EYS: variants seen among roughly 807,000 people sequenced by gnomAD.
EYS encodes EGF-like photoreceptor maintenance factor, also known as protein eyes shut homolog.
Under a neutral mutation model 282.1 loss-of-function variants are expected in EYS, and 250 were observed. That is an observed-to-expected ratio of 0.89 (90% CI 0.80 to 0.98). The LOEUF is 0.98. Among genes scored for constraint, EYS ranks in the 50% least tolerant of loss-of-function variants. The pLI is 0.00. For synonymous variants in EYS, 1,355 were observed against 1,282.9 expected, an observed-to-expected ratio of 1.06 and a Z score of -1.20; for missense variants, 4,016 against 3,709.0, an observed-to-expected ratio of 1.08 and a Z score of -2.15.
At chr6:64,820,126 T>C (rs917322725) in intron 21 of EYS, among the ~76,000 whole-genome samples, 2 of 152,030 alleles carry the variant, frequency 1.3e-5, no homozygotes, top group Non-Finnish European at 2.9e-5. Context: ...TTGGAATACT[T>C]TATAGCTATT....
intron 26 of EYS, among the ~76,000 whole-genome samples, chr6:64,526,226 C>T (rs1333698837): frequency 6.6e-6 from 1 of 151,630 alleles, no homozygotes; most frequent in African/African-American, 2.4e-5. Context: ...TATGAAAGGT[C>T]AACAGGAGGG....
At chr6:64,069,845 T>G (rs1300852867) in intron 32 of EYS, among the ~76,000 whole-genome samples, 1 of 152,136 alleles carries the variant, frequency 6.6e-6, no homozygotes, top group Non-Finnish European at 1.5e-5. Context: ...ATGAAAATTT[T>G]CAAATGTTAA....
At chr6:64,155,751 T>C (rs1353669906) in intron 31 of EYS, among the ~76,000 whole-genome samples, 1 of 152,198 alleles carries the variant, frequency 6.6e-6, no homozygotes, top group Non-Finnish European at 1.5e-5. Context: ...GTGTATATTT[T>C]ATTCATCACA....
intron 22 of EYS, among the ~76,000 whole-genome samples, chr6:64,689,952 G>A (rs1363860498): frequency 6.6e-6 from 1 of 152,074 alleles, no homozygotes; most frequent in Non-Finnish European, 1.5e-5. Context: ...AAAAGCAATG[G>A]CAACAGAAGC....
chr6:63,798,299 A>T (rs1336404313), intron 37 of EYS, among the ~76,000 whole-genome samples: 1 of 152,206 alleles, frequency 6.6e-6, no homozygotes, highest in African/African-American at 2.4e-5. Flanking sequence ...TTCTTTTTAA[A>T]CTATTTTAAA....
At chr6:64,827,203 T>C (rs1306383791) in intron 19 of EYS, among the ~76,000 whole-genome samples, 2 of 151,906 alleles carry the variant, frequency 1.3e-5, no homozygotes, top group Non-Finnish European at 2.9e-5. Context: ...ATATCCATGT[T>C]AGCTCCTGAT....
chr6:65,092,285 AG>A (rs1241345055), intron 12 of EYS, among the ~76,000 whole-genome samples: 2 of 152,156 alleles, frequency 1.3e-5, no homozygotes, highest in Non-Finnish European at 2.9e-5. Context: ...AAAACAGAAA[AG>A]TTGTAGAAGT....
intron 33 of EYS, among the ~76,000 whole-genome samples, chr6:64,045,223 CT>C (rs901739918): frequency 4.0e-5 from 6 of 150,210 alleles, no homozygotes; most frequent in Non-Finnish European, 8.9e-5. Flanking sequence ...CTAATTTTTA[CT>C]TTTTTTTTAA....
At chr6:65,046,482 C>A (rs1773104779) in intron 13 of EYS, among the ~76,000 whole-genome samples, 1 of 151,698 alleles carries the variant, frequency 6.6e-6, no homozygotes, top group African/African-American at 2.4e-5. Flanking sequence ...GAACTTTTTT[C>A]TTCCAACTTG....
intron 22 of EYS, among the ~76,000 whole-genome samples, chr6:64,748,534 TA>T (rs1019002599): frequency 6.6e-6 from 1 of 152,204 alleles, no homozygotes; most frequent in African/African-American, 2.4e-5. Flanking sequence ...TCCAAACACT[TA>T]ACCTAAAGAA....
chr6:63,794,229 A>G (rs1385094888), intron 37 of EYS, among the ~76,000 whole-genome samples: 1 of 152,232 alleles, frequency 6.6e-6, no homozygotes, highest in African/African-American at 2.4e-5. Context: ...CAATAAATGC[A>G]TATTTCTTTC....
At chr6:65,143,365 T>G (rs1764397725) in intron 12 of EYS, among the ~76,000 whole-genome samples, 1 of 151,776 alleles carries the variant, frequency 6.6e-6, no homozygotes, top group South Asian at 2.1e-4. Flanking sequence ...AAAACAGTGG[T>G]CATCAATGGG....
At chr6:64,335,787 A>T (rs1460766876) in intron 29 of EYS, among the ~76,000 whole-genome samples, 1 of 151,974 alleles carries the variant, frequency 6.6e-6, no homozygotes, top group African/African-American at 2.4e-5. Context: ...CTCAGCAGAA[A>T]CTCTACAACC....
In EYS at chr6:63,959,505, T is replaced by TTA. The variant is rs759308807; in HGVS notation, c.7055+24876_7055+24877dup. ...AATACCATTTGACCCAGCAATCCCATTATTGGGTACATACCCAAAGGAATA... is the reference window on the plus strand; with the variant it reads ...AATACCATTTGACCCAGCAATCCCATTATATTGGGTACATACCCAAAGGAATA... On this transcript the variant is annotated intron_variant, in intron 35 of 42. Coordinates refer to ENST00000503581, the MANE Select transcript of EYS (RefSeq NM_001142800.2). 7.2e-5 allele frequency among the ~76,000 whole-genome samples: 11 copies of TTA among 152,294 alleles called. No homozygotes were observed. In the East Asian group the frequency reaches 2.1e-3, roughly 29 times the overall value.
At chr6:64,566,162 C>T (rs760593808) in intron 26 of EYS, among the ~76,000 whole-genome samples, 34 of 152,068 alleles carry the variant, frequency 2.2e-4, no homozygotes, top group Non-Finnish European at 4.4e-4. Flanking sequence ...AAGACTTATG[C>T]ACAATTATTC....
intron 31 of EYS, among the ~76,000 whole-genome samples, chr6:64,188,496 A>T (rs1363745741): frequency 6.6e-6 from 1 of 152,142 alleles, no homozygotes; most frequent in African/African-American, 2.4e-5. Flanking sequence ...TGCATGGGAT[A>T]TATTATGCTA....
intron 12 of EYS, among the ~76,000 whole-genome samples, chr6:65,212,468 T>C (rs1252029826): frequency 2.0e-5 from 3 of 152,156 alleles, no homozygotes; most frequent in African/African-American, 7.2e-5. Context: ...TTTCTTAATA[T>C]ATTCAATGAA....
intron 5 of EYS, among the ~76,000 whole-genome samples, chr6:65,426,989 T>C (rs189189460): frequency 2.0e-5 from 3 of 152,164 alleles, no homozygotes; most frequent in African/African-American, 7.2e-5. Flanking sequence ...TAGGTTTAAT[T>C]TTGGAATGTG....
chr6:65,542,479 G>A (rs1392439562), intron 2 of EYS, among the ~76,000 whole-genome samples: 4 of 131,156 alleles, frequency 3.0e-5, no homozygotes, highest in East Asian at 2.3e-4. Flanking sequence ...TAGAATGTGT[G>A]TGTGTGTGTG....
Sources: allele counts gnomAD v4.1 joint callset (sites outside exome capture counted in the v4.1 genomes callset), GRCh38; gene constraint gnomAD v4.1.1; transcripts MANE v1.5; gene names NCBI Gene and HGNC (gene_info 2026-07-23, HGNC 2026-07-21).